GULP1: variants seen among roughly 807,000 people sequenced by gnomAD.
The protein encoded by GULP1 is PTB domain-containing engulfment adapter protein 1.
A neutral mutation model predicts 40.9 loss-of-function variants in GULP1; 19 were observed. That is an observed-to-expected ratio of 0.46 (90% CI 0.32 to 0.68). The LOEUF (loss-of-function observed/expected upper bound fraction) is 0.68. Ranked by LOEUF, GULP1 falls within the 30% of genes least tolerant of loss-of-function variation. The probability of loss-of-function intolerance (pLI) is 0.03; values close to 1 mark genes in which losing one functional copy is unlikely to be tolerated. For synonymous variants in GULP1, 119 were observed against 117.6 expected (o/e 1.01, Z -0.08); for missense variants, 312 against 362.2 (o/e 0.86, Z 1.12).
intron 9 of GULP1, among the ~76,000 whole-genome samples, chr2:188,579,473 A>G (rs1363523495): frequency 6.6e-6 from 1 of 152,068 alleles, no homozygotes; most frequent in African/African-American, 2.4e-5. Context: ...ACAGTGTGTA[A>G]TGATCGAGTC....
intron 1 of GULP1, among the ~76,000 whole-genome samples, chr2:188,352,261 T>A (rs2044556224): frequency 6.6e-6 from 1 of 152,168 alleles, no homozygotes; most frequent in South Asian, 2.1e-4. Context: ...CCTCGTTCAA[T>A]CAACTGGAGA....
At chr2:188,299,092 G>A (rs754367618) in intron 1 of GULP1, among the ~76,000 whole-genome samples, 8 of 152,062 alleles carry the variant, frequency 5.3e-5, no homozygotes, top group South Asian at 2.1e-4. Flanking sequence ...GGTATGAGCT[G>A]GAGTGGCGGG....
chr2:188,497,171 A>T (rs1176035844), intron 4 of GULP1, among the ~76,000 whole-genome samples: 1 of 152,052 alleles, frequency 6.6e-6, no homozygotes, highest in Non-Finnish European at 1.5e-5. Flanking sequence ...TTCTGATACA[A>T]AATGCAGTCC....
chr2:188,540,784 C>T (rs1184672619), intron 6 of GULP1, among the ~76,000 whole-genome samples: 1 of 152,092 alleles, frequency 6.6e-6, no homozygotes, highest in Non-Finnish European at 1.5e-5. Context: ...GAGAATTGCT[C>T]TGGTTTAAAA....
chr2:188,430,586 A>G (rs553673002), intron 2 of GULP1, among the ~76,000 whole-genome samples: 1 of 152,354 alleles, frequency 6.6e-6, no homozygotes, highest in African/African-American at 2.4e-5. Flanking sequence ...TCAGAAAACA[A>G]TACCCCACAA....
chr2:188,327,320 A>C (rs2040890448), intron 1 of GULP1, among the ~76,000 whole-genome samples: 2 of 152,138 alleles, frequency 1.3e-5, no homozygotes, highest in Non-Finnish European at 2.9e-5. Flanking sequence ...GGATTATTTG[A>C]ATCTGGCAAT....
At chr2:188,546,159 A>G (rs1223925319) in intron 7 of GULP1, among the ~76,000 whole-genome samples, 2 of 152,012 alleles carry the variant, frequency 1.3e-5, no homozygotes, top group African/African-American at 4.8e-5. Context: ...CTTTCCCTCA[A>G]ATTTATAGAA....
At chr2:188,417,340 A>G (rs1490352710) in intron 2 of GULP1, among the ~76,000 whole-genome samples, 3 of 152,126 alleles carry the variant, frequency 2.0e-5, no homozygotes, top group African/African-American at 7.2e-5. Context: ...CATTACCCCA[A>G]AGTTTCTTTG....
intron 2 of GULP1, among the ~76,000 whole-genome samples, chr2:188,470,146 T>C (rs985949115): frequency 2.0e-5 from 3 of 152,188 alleles, no homozygotes; most frequent in Admixed American, 6.5e-5. Context: ...ATTAATTCTC[T>C]AAATGTTTGG....
At position 188,544,450 on chromosome 2, in the gene GULP1, A is replaced by G. The variant is rs567238213; in HGVS notation, c.399+3132A>G. Among the ~76,000 whole-genome samples, 20 of 152,154 alleles carry G rather than the reference A, an allele frequency of 1.3e-4. No homozygotes were observed. The East Asian group carries it at 3.5e-3, about 26-fold the overall frequency. ...ATACCTAATGCTAAATGACGAGTTA[A>G]TGGGTGCAGCACAACAATATGGCAC... is the stretch of plus-strand genomic sequence containing the variant. On this transcript the variant is annotated intron_variant, in intron 7 of 11. Transcript: ENST00000409830.
intron 1 of GULP1, among the ~76,000 whole-genome samples, chr2:188,343,895 C>T (rs2043287795): frequency 6.6e-6 from 1 of 152,074 alleles, no homozygotes; most frequent in African/African-American, 2.4e-5. Context: ...CTTCACCTCC[C>T]AGGTTCAAGC....
intron 2 of GULP1, among the ~76,000 whole-genome samples, chr2:188,453,240 A>G (rs1575355868): frequency 6.6e-6 from 1 of 152,230 alleles, no homozygotes; most frequent in Non-Finnish European, 1.5e-5. Context: ...TTTATGTGTT[A>G]ATATAGATAT....
rs948605037 is a variant in GULP1 at position 188,455,257 on chromosome 2, C to G, written c.-44-22402C>G. The stretch of plus-strand genomic sequence containing the variant: ...TCATTAATTTGTGAACAAGTTTCAA[C>G]CCTATGATAATTTAAAAATATTCCC... On this transcript the variant is annotated intron_variant, in intron 2 of 11. Coordinates refer to ENST00000409830, the MANE Select transcript of GULP1 (RefSeq NM_016315.4). Among the ~76,000 whole-genome samples, 28 of 152,112 alleles carry G rather than the reference C, an allele frequency of 1.8e-4. 1 individual carries two copies. The highest frequency in any genetic ancestry group is 1.3e-4 in the Admixed American group (2 of 15,268).
At chr2:188,463,882 T>C (rs535144783) in intron 2 of GULP1, among the ~76,000 whole-genome samples, 1 of 152,308 alleles carries the variant, frequency 6.6e-6, no homozygotes, top group African/African-American at 2.4e-5. Context: ...CTTTTTTAAA[T>C]TTATCTGATA....
intron 7 of GULP1, among the ~76,000 whole-genome samples, chr2:188,543,367 G>A (rs1421069062): frequency 1.3e-5 from 2 of 152,054 alleles, no homozygotes; most frequent in African/African-American, 4.8e-5. Context: ...GCTGCAGGTA[G>A]AGGAAGTCTT....
intron 4 of GULP1, among the ~76,000 whole-genome samples, chr2:188,507,668 G>T (rs1211270142): frequency 6.6e-6 from 1 of 151,740 alleles, no homozygotes; most frequent in Non-Finnish European, 1.5e-5. Flanking sequence ...GAACTGAAGT[G>T]GCATGTCACA....
intron 7 of GULP1, among the ~76,000 whole-genome samples, chr2:188,567,476 A>G (rs1458399910): frequency 1.3e-5 from 2 of 152,206 alleles, no homozygotes; most frequent in Non-Finnish European, 2.9e-5. Flanking sequence ...GAATGAGATA[A>G]TGTCCTTTGC....
rs77659029 is a variant in GULP1, at chr2:188,465,317, G to C, written c.-44-12342G>C. On this transcript the variant is annotated intron_variant, in intron 2 of 11. Coordinates refer to ENST00000409830, the MANE Select transcript of GULP1 (RefSeq NM_016315.4). ...CTAGAAATGTCATCAGGAAGCTAAG[G>C]TCTGAACAGGGGCTGTAAGACTGAC... 2.6e-5 allele frequency among the ~76,000 whole-genome samples: 4 copies of C among 152,070 alleles called. No individual in the cohort carries two copies. The East Asian group carries it at 7.8e-4, about 30-fold the overall frequency.
intron 4 of GULP1, among the ~76,000 whole-genome samples, chr2:188,511,566 A>C (rs2153200585): frequency 6.6e-6 from 1 of 152,238 alleles, no homozygotes; most frequent in South Asian, 2.1e-4. Context: ...GGCAGGACAA[A>C]AACTCGCTGC....
Sources: gnomAD v4.1 joint callset for allele counts (sites outside exome capture counted in the v4.1 genomes callset) on GRCh38, gnomAD v4.1.1 for gene constraint, MANE v1.5 for transcripts, NCBI Gene and HGNC (gene_info 2026-07-23, HGNC 2026-07-21) for gene names.